Variants in TENM3 observed in about 807,000 individuals in gnomAD.
TENM3 encodes teneurin transmembrane protein 3.
TENM3 carries 63 observed loss-of-function variants against 255.1 expected under a neutral mutation model. The ratio of observed to expected loss-of-function variants is 0.25; its 90% CI spans 0.20 to 0.30. The LOEUF is 0.30. Ranked by LOEUF, TENM3 falls within the 10% of genes least tolerant of loss-of-function variation. The probability of loss-of-function intolerance (pLI) is 1.00; values close to 1 mark genes in which losing one functional copy is unlikely to be tolerated. For synonymous variants in TENM3, 1,306 were observed against 1,322.3 expected (o/e 0.99, Z 0.27); for missense variants, 2,929 against 3,461.1 (o/e 0.85, Z 3.86).
intron 1 of TENM3, among the ~76,000 whole-genome samples, chr4:182,220,098 C>T (rs1378353434): frequency 1.3e-5 from 2 of 152,126 alleles, no homozygotes; most frequent in African/African-American, 4.8e-5. Flanking sequence ...GCTTTATGGC[C>T]AGGCACGTTG....
intron 1 of TENM3, among the ~76,000 whole-genome samples, chr4:182,249,094 CACAG>C (rs1200441541): frequency 6.6e-6 from 1 of 152,162 alleles, no homozygotes; most frequent in East Asian, 1.9e-4. Flanking sequence ...GAAATTAAGA[CACAG>C]ACAGATTAAA....
chr4:181,921,655 A>G, the TENM3 span, among the ~76,000 whole-genome samples: 15 of 152,334 alleles, frequency 9.8e-5, no homozygotes, highest in Non-Finnish European at 1.8e-4. Flanking sequence ...GGGGTTTTCT[A>G]GATATACAAT....
At chr4:181,574,689 C>A in the TENM3 span, among the ~76,000 whole-genome samples, 1 of 152,118 alleles carries the variant, frequency 6.6e-6, no homozygotes. Context: ...TTAATTACTT[C>A]CTTTTGTTAA....
intron 7 of TENM3, among the ~76,000 whole-genome samples, chr4:182,674,765 G>A (rs1159985326): frequency 1.3e-5 from 2 of 152,128 alleles, no homozygotes; most frequent in Admixed American, 6.6e-5. Context: ...TTGTAGAGAT[G>A]TGGTTTCACC....
intron 6 of TENM3, among the ~76,000 whole-genome samples, chr4:182,656,017 T>A (rs772927410): frequency 6.6e-5 from 10 of 152,254 alleles, no homozygotes; most frequent in Non-Finnish European, 1.5e-4. Context: ...TCAGAAATAC[T>A]GCTTTGGTAG....
intron 24 of TENM3, among the ~76,000 whole-genome samples, chr4:182,785,772 G>C (rs1765601024): frequency 8.1e-6 from 1 of 122,878 alleles, no homozygotes; most frequent in African/African-American, 3.9e-5. Context: ...CTTTATGACT[G>C]TAACAAAAAA....
chr4:181,906,964 C>T, the TENM3 span, among the ~76,000 whole-genome samples: 415 of 152,226 alleles, frequency 2.7e-3, 1 homozygote, highest in African/African-American at 9.4e-3. Context: ...CAGCAACCTG[C>T]GCCTCGTGAG....
intron 1 of TENM3, among the ~76,000 whole-genome samples, chr4:182,285,082 G>T (rs150421794): frequency 6.6e-6 from 1 of 152,094 alleles, no homozygotes; most frequent in Non-Finnish European, 1.5e-5. Flanking sequence ...ACACAGCCAC[G>T]CGGTTATCTT....
intron 3 of TENM3, among the ~76,000 whole-genome samples, chr4:182,380,915 A>AT (rs1767520745): frequency 6.6e-6 from 1 of 152,152 alleles, no homozygotes; most frequent in Non-Finnish European, 1.5e-5. Context: ...CTGACCTCAT[A>AT]TGAAACCTCC....
the TENM3 span, among the ~76,000 whole-genome samples, chr4:181,935,607 A>T: frequency 6.6e-6 from 1 of 152,170 alleles, no homozygotes; most frequent in Non-Finnish European, 1.5e-5. Context: ...CAAAGCTGCC[A>T]AGAGGTGACC....
the TENM3 span, among the ~76,000 whole-genome samples, chr4:181,870,311 G>A: frequency 1.3e-5 from 2 of 151,978 alleles, no homozygotes; most frequent in African/African-American, 4.8e-5. Flanking sequence ...TCTTTTTGTG[G>A]CCATATGTAT....
At chr4:182,649,222 G>C (rs1753034679) in intron 5 of TENM3, among the ~76,000 whole-genome samples, 1 of 150,148 alleles carries the variant, frequency 6.7e-6, no homozygotes, top group South Asian at 2.2e-4. Context: ...TTTATAGTTG[G>C]TAAAAATCTT....
At chr4:182,013,612 C>G in the TENM3 span, among the ~76,000 whole-genome samples, 5 of 152,136 alleles carry the variant, frequency 3.3e-5, no homozygotes, top group Non-Finnish European at 5.9e-5. Flanking sequence ...TAGGGACCAG[C>G]CTGGAACTGA....
chr4:182,350,972 C>A (rs1257116389), intron 3 of TENM3, among the ~76,000 whole-genome samples: 7 of 152,150 alleles, frequency 4.6e-5, no homozygotes, highest in African/African-American at 1.7e-4. Context: ...CATGAGCCAC[C>A]GCGCCCGGCC....
chr4:182,455,746 G>C (rs576219971), intron 3 of TENM3, among the ~76,000 whole-genome samples: 34 of 151,948 alleles, frequency 2.2e-4, no homozygotes, highest in African/African-American at 8.2e-4. Context: ...TATTTTAGTA[G>C]AGACAGGGTC....
At chr4:182,101,104 G>GAGGGAGGGAGGGAGGAAGGA in the TENM3 span, among the ~76,000 whole-genome samples, 1 of 11,682 alleles carries the variant, frequency 8.6e-5, no homozygotes, top group Non-Finnish European at 1.9e-4. Flanking sequence ...GGGAGGGAGG[G>GAGGGAGGGAGGGAGGAAGGA]AGGAAGGAAA....
At chr4:182,324,287 C>G in intron 2 of TENM3, 35 bp downstream of exon 2, 2 of 1,473,050 alleles carry the variant, frequency 1.4e-6, no homozygotes, top group Non-Finnish European at 1.9e-6. Context: ...AGGCAATGCT[C>G]ACGTTACTAA....
chr4:182,200,346 T>G (rs1182189993), intron 1 of TENM3, among the ~76,000 whole-genome samples: 1 of 152,188 alleles, frequency 6.6e-6, no homozygotes, highest in East Asian at 1.9e-4. Flanking sequence ...ACACTGAGAA[T>G]AAAGGGTTTA....
At chr4:181,465,003 T>G in the TENM3 span, among the ~76,000 whole-genome samples, 13 of 152,166 alleles carry the variant, frequency 8.5e-5, no homozygotes, top group African/African-American at 3.1e-4. Context: ...ACTGATGACT[T>G]TGGTGTCATA....
Sources: allele counts gnomAD v4.1 joint callset (sites outside exome capture counted in the v4.1 genomes callset), GRCh38; gene constraint gnomAD v4.1.1; transcripts MANE v1.5; gene names NCBI Gene and HGNC (gene_info 2026-07-23, HGNC 2026-07-21).